Variants in DLG2 observed in about 807,000 individuals in gnomAD.
DLG2 encodes discs large MAGUK scaffold protein 2.
DLG2 carries 45 observed loss-of-function variants against 132.5 expected under a neutral mutation model. The ratio of observed to expected loss-of-function variants is 0.34; its 90% CI spans 0.27 to 0.44. The LOEUF (loss-of-function observed/expected upper bound fraction) is 0.44, where lower values mean the gene tolerates loss of function less well. Ranked by LOEUF, DLG2 falls within the 20% of genes least tolerant of loss-of-function variation. The probability of loss-of-function intolerance (pLI) is 1.00; values close to 1 mark genes in which losing one functional copy is unlikely to be tolerated. For synonymous variants in DLG2, 424 were observed against 419.6 expected, an observed-to-expected ratio of 1.01 and a Z score of -0.13; for missense variants, 1,045 against 1,196.9, an observed-to-expected ratio of 0.87 and a Z score of 1.87.
chr11:83,791,115 C>T, intron 17 of DLG2: 1 of 668,846 alleles, frequency 1.5e-6, no homozygotes, highest in Non-Finnish European at 2.7e-6. Context: ...TTGACTCTCA[C>T]CTCCATCTTG....
chr11:84,728,256 T>A (rs562090313), intron 6 of DLG2, among the ~76,000 whole-genome samples: 4 of 152,324 alleles, frequency 2.6e-5, no homozygotes, highest in African/African-American at 7.2e-5. Flanking sequence ...TATTTTGAGA[T>A]ACGTTCCATT....
intron 6 of DLG2, among the ~76,000 whole-genome samples, chr11:84,665,435 T>C (rs2099698849): frequency 6.6e-6 from 1 of 152,142 alleles, no homozygotes; most frequent in South Asian, 2.1e-4. Context: ...ACCACCTATC[T>C]ATCTATCAGT....
chr11:84,209,042 A>G (rs1300521586), intron 8 of DLG2, among the ~76,000 whole-genome samples: 1 of 152,242 alleles, frequency 6.6e-6, no homozygotes, highest in African/African-American at 2.4e-5. Flanking sequence ...AGGATAATAT[A>G]CATACATATA....
chr11:83,913,964 T>C (rs544016772), intron 15 of DLG2, among the ~76,000 whole-genome samples: 1 of 152,242 alleles, frequency 6.6e-6, no homozygotes, highest in East Asian at 1.9e-4. Flanking sequence ...GGTAAATACT[T>C]CAGATGAGCA....
chr11:85,209,317 A>G (rs1324027514), intron 4 of DLG2, among the ~76,000 whole-genome samples: 1 of 152,004 alleles, frequency 6.6e-6, no homozygotes, highest in Non-Finnish European at 1.5e-5. Context: ...AACCTGCCCC[A>G]GTATAGATTC....
intron 22 of DLG2, chr11:83,480,565 T>C (rs2093019104): frequency 1.9e-6 from 3 of 1,544,378 alleles, no homozygotes; most frequent in Non-Finnish European, 2.6e-6. Context: ...TCAGATAAGA[T>C]AAAGAAGATG....
intron 3 of DLG2, among the ~76,000 whole-genome samples, chr11:85,566,598 G>A (rs553427393): frequency 6.6e-6 from 1 of 152,186 alleles, no homozygotes; most frequent in Admixed American, 6.5e-5. Context: ...ATATTCATAT[G>A]GCAGAAAGAG....
At chr11:84,630,071 T>G (rs1178712866) in intron 6 of DLG2, among the ~76,000 whole-genome samples, 1 of 152,170 alleles carries the variant, frequency 6.6e-6, no homozygotes, top group Non-Finnish European at 1.5e-5. Flanking sequence ...TTTACCTGCC[T>G]CTTGCCTTGG....
intron 6 of DLG2, among the ~76,000 whole-genome samples, chr11:84,638,306 T>C (rs543106339): frequency 1.3e-5 from 2 of 152,328 alleles, no homozygotes; most frequent in South Asian, 4.1e-4. Context: ...AATTTAACTT[T>C]CATTAAAATT....
intron 6 of DLG2, among the ~76,000 whole-genome samples, chr11:84,760,550 T>A (rs1240649197): frequency 1.3e-5 from 2 of 152,262 alleles, no homozygotes; most frequent in African/African-American, 4.8e-5. Flanking sequence ...TGACCTGTGC[T>A]GCTTCTGCAG....
intron 6 of DLG2, among the ~76,000 whole-genome samples, chr11:84,564,141 A>G (rs965736501): frequency 1.3e-5 from 2 of 152,226 alleles, no homozygotes; most frequent in African/African-American, 4.8e-5. Context: ...AGCCTATTGC[A>G]AGTGACCCTA....
intron 8 of DLG2, among the ~76,000 whole-genome samples, chr11:84,206,982 C>G (rs923907536): frequency 6.6e-6 from 1 of 151,468 alleles, no homozygotes; most frequent in African/African-American, 2.4e-5. Context: ...ATATTACCAA[C>G]CAACTGTTGG....
chr11:83,839,033 C>G (rs2056930128), intron 16 of DLG2, among the ~76,000 whole-genome samples: 1 of 152,104 alleles, frequency 6.6e-6, no homozygotes, highest in Admixed American at 6.6e-5. Flanking sequence ...ACATCATTGC[C>G]CATTACCCAT....
intron 15 of DLG2, among the ~76,000 whole-genome samples, chr11:83,925,922 G>A (rs2078891922): frequency 6.6e-6 from 1 of 152,000 alleles, no homozygotes; most frequent in Non-Finnish European, 1.5e-5. Context: ...AAAAAGAGAT[G>A]TACTAGATAA....
At chr11:84,798,866 G>A (rs929892450) in intron 6 of DLG2, among the ~76,000 whole-genome samples, 2 of 152,160 alleles carry the variant, frequency 1.3e-5, no homozygotes, top group Non-Finnish European at 2.9e-5. Flanking sequence ...TAGAAATGTT[G>A]TCTGGGAGCT....
intron 3 of DLG2, among the ~76,000 whole-genome samples, chr11:85,427,003 G>A (rs1445636308): frequency 2.0e-5 from 3 of 152,184 alleles, no homozygotes; most frequent in Non-Finnish European, 4.4e-5. Context: ...TAGCCAATTC[G>A]ATCAACTGTA....
At position 83,799,184 on chromosome 11, in the gene DLG2, A is replaced by G. The variant is rs113295210; in HGVS notation, c.1723-12392T>C. Among the ~76,000 whole-genome samples the G allele has an allele frequency of 3.3e-3, 497 of 152,358 alleles. 5 individuals carry two copies. The highest frequency in any genetic ancestry group is 0.011 in the African/African-American group (447 of 41,584). ...AGGGAAACTACAGATATCACATTCA[A>G]TGTTGAATTGTGAGCAGTCTGATGG... On this transcript the variant is annotated intron_variant, in intron 17 of 27. Coordinates refer to ENST00000376104, the MANE Select transcript of DLG2 (RefSeq NM_001142699.3).
chr11:84,845,444 A>C (rs2081337059), intron 6 of DLG2, among the ~76,000 whole-genome samples: 1 of 152,122 alleles, frequency 6.6e-6, no homozygotes, highest in South Asian at 2.1e-4. Flanking sequence ...TAAACAAATA[A>C]TGATATAATG....
At chr11:84,783,980 A>G (rs2072317096) in intron 6 of DLG2, among the ~76,000 whole-genome samples, 1 of 151,574 alleles carries the variant, frequency 6.6e-6, no homozygotes, top group South Asian at 2.1e-4. Flanking sequence ...TTGTCTGGTA[A>G]CCCTTAACAA....
Sources: allele counts gnomAD v4.1 joint callset (sites outside exome capture counted in the v4.1 genomes callset), GRCh38; gene constraint gnomAD v4.1.1; transcripts MANE v1.5; gene names NCBI Gene and HGNC (gene_info 2026-07-23, HGNC 2026-07-21).